Variants in DENND4C observed in about 807,000 individuals in gnomAD.
DENND4C encodes DENN domain-containing protein 4C.
DENND4C carries 108 observed loss-of-function variants against 203.0 expected under a neutral mutation model. That is an observed-to-expected ratio of 0.53 (90% confidence interval 0.46 to 0.62). The LOEUF is 0.62. Among genes scored for constraint, DENND4C ranks in the 20% least tolerant of loss-of-function variants. The pLI, the probability that DENND4C is intolerant of heterozygous loss-of-function variation, is 0.00. For synonymous variants in DENND4C, 871 were observed against 792.4 expected, an observed-to-expected ratio of 1.10 and a Z score of -1.67; for missense variants, 2,481 against 2,301.2, an observed-to-expected ratio of 1.08 and a Z score of -1.60.
intron 1 of DENND4C, among the ~76,000 whole-genome samples, chr9:19,258,675 A>G (rs80014564): frequency 1.4e-5 from 2 of 139,888 alleles, no homozygotes; most frequent in Non-Finnish European, 3.1e-5. Context: ...TTTTTTTTAA[A>G]GACAGATTCT....
chr9:19,340,018 T>C lies in DENND4C; in HGVS notation c.2882-974T>C, dbSNP rs373925384. Among the ~76,000 whole-genome samples, 18 of 152,286 alleles carry C rather than the reference T, an allele frequency of 1.2e-4. No individual in the cohort carries two copies. The South Asian group carries it at 3.1e-3, about 26-fold the overall frequency. On this transcript the variant is annotated intron_variant, in intron 20 of 32. Coordinates refer to ENST00000434457, the MANE Select transcript of DENND4C (RefSeq NM_001330640.2). ...ATGTCCTTTAGATATTCTCCTATTA[T>C]GTTTCTGAGCACTACCTTTTTGGCA... is the stretch of plus-strand genomic sequence containing the variant.
intron 2 of DENND4C, among the ~76,000 whole-genome samples, chr9:19,283,034 A>G (rs1162463904): frequency 6.6e-6 from 1 of 151,354 alleles, no homozygotes; most frequent in Non-Finnish European, 1.5e-5. Context: ...TTATTTTCTT[A>G]TTTTGAAATT....
In DENND4C at chr9:19,345,946, T is replaced by G. The variant is rs1461548641; in HGVS notation, c.3177T>G (p.Ser1059=). ...STGSISNVLF[S]TQDPVEDAVF... is the part of the protein sequence containing the mutation. Reference sequence around the variant, plus strand: ...GTAGTATATCAAATGTGCTGTTTTCTACTCAAGATCCAGTTGAAGATGCAG... The same window carrying G: ...GTAGTATATCAAATGTGCTGTTTTCGACTCAAGATCCAGTTGAAGATGCAG... The change falls in exon 23 of 33, where the codon TCT becomes TCG. Residue 1059 remains serine (S), a synonymous_variant. Coordinates refer to ENST00000434457, the MANE Select transcript of DENND4C (RefSeq NM_001330640.2). 1 of 1,613,028 alleles carries G rather than the reference T, an allele frequency of 6.2e-7. No homozygotes were observed. Among genetic ancestry groups the G allele is most frequent in the African/African-American group, 1.3e-5 (1 of 74,886 alleles).
intron 2 of DENND4C, among the ~76,000 whole-genome samples, chr9:19,280,405 A>G (rs1349054069): frequency 6.6e-6 from 1 of 152,148 alleles, no homozygotes; most frequent in African/African-American, 2.4e-5. Flanking sequence ...TCTGCCTCCC[A>G]AAGTGTTGAG....
intron 1 of DENND4C, among the ~76,000 whole-genome samples, chr9:19,265,920 G>A (rs969774914): frequency 6.6e-6 from 1 of 152,206 alleles, no homozygotes; most frequent in Non-Finnish European, 1.5e-5. Flanking sequence ...ACATATGTGT[G>A]CATGTGTGTC....
rs563164258 is a variant in DENND4C at position 19,325,691 on chromosome 9, A to G, written c.1954-248A>G. On this transcript the variant is annotated intron_variant, in intron 13 of 32. Coordinates refer to ENST00000434457, the MANE Select transcript of DENND4C (RefSeq NM_001330640.2). ...ATTTGAGAAGCCAGATAACCTTGTG[A>G]TTGGTCATCTTTTGTCTTAAGGTTT... Among the ~76,000 whole-genome samples, 4 of 152,298 alleles carry G rather than the reference A, an allele frequency of 2.6e-5. No individual in the cohort carries two copies. The East Asian group carries it at 7.7e-4, about 29-fold the overall frequency.
chr9:19,254,846 C>G (rs1258369024), intron 1 of DENND4C, among the ~76,000 whole-genome samples: 1 of 152,012 alleles, frequency 6.6e-6, no homozygotes, highest in Middle Eastern at 3.2e-3. Flanking sequence ...AAAAAGTTGG[C>G]CGGGACCGGG....
At chr9:19,311,745 G>GA (rs796798415) in intron 10 of DENND4C, among the ~76,000 whole-genome samples, 28 of 148,322 alleles carry the variant, frequency 1.9e-4, no homozygotes, top group Middle Eastern at 3.5e-3. Flanking sequence ...TGGCCAAAAA[G>GA]AAAAAAAAAA....
At chr9:19,354,549 CTTTT>C (rs66823332) in intron 26 of DENND4C, among the ~76,000 whole-genome samples, 1 of 87,290 alleles carries the variant, frequency 1.1e-5, no homozygotes, top group Non-Finnish European at 2.1e-5. Context: ...TTATTCTAGC[CTTTT>C]TTTTTTTTTT....
intron 10 of DENND4C, among the ~76,000 whole-genome samples, chr9:19,308,290 C>T (rs984718350): frequency 2.0e-5 from 3 of 152,224 alleles, no homozygotes; most frequent in Non-Finnish European, 4.4e-5. Context: ...AAGTTTACTC[C>T]GTCCTCAGCA....
chr9:19,280,206 G>C lies in DENND4C; in HGVS notation c.305+3727G>C, dbSNP rs138332113. 2.5e-3 allele frequency among the ~76,000 whole-genome samples: 383 copies of C among 152,004 alleles called. 1 individual carries two copies. Among genetic ancestry groups the C allele is most frequent in the African/African-American group, 9.1e-3 (376 of 41,420 alleles). Reference sequence around the variant, plus strand: ...CTCGCTCTGTCCAGGCTGGAGTGCAGTGGTGCGATCTCGGCTCACTGCAAC... The same window carrying C: ...CTCGCTCTGTCCAGGCTGGAGTGCACTGGTGCGATCTCGGCTCACTGCAAC... On this transcript the variant is annotated intron_variant, in intron 2 of 32. Coordinates refer to ENST00000434457, the MANE Select transcript of DENND4C (RefSeq NM_001330640.2).
Position 19,236,349 on chromosome 9 carries a change from T to C in DENND4C, c.-18+5516T>C, listed in dbSNP as rs114371415. 7.2e-3 allele frequency among the ~76,000 whole-genome samples: 1,099 copies of C among 152,288 alleles called. 17 individuals are homozygous for C. The highest frequency in any genetic ancestry group is 0.026 in the African/African-American group (1,062 of 41,540). On this transcript the variant is annotated intron_variant, in intron 1 of 32. Transcript: ENST00000434457. ...TAGTGTGGATTAGAGAAGGTTTACATAGAATAAGACATCTGATTAAAAACT... is the reference window on the plus strand; with the variant it reads ...TAGTGTGGATTAGAGAAGGTTTACACAGAATAAGACATCTGATTAAAAACT...
At chr9:19,355,810 ATAGAT>A in intron 26 of DENND4C, among the ~76,000 whole-genome samples, 1 of 152,238 alleles carries the variant, frequency 6.6e-6, no homozygotes, top group South Asian at 2.1e-4. Flanking sequence ...TTTGAGATTT[ATAGAT>A]TAATGTGAGG....
intron 1 of DENND4C, among the ~76,000 whole-genome samples, chr9:19,256,321 T>G (rs1409163325): frequency 1.6e-5 from 2 of 128,554 alleles, no homozygotes; most frequent in Non-Finnish European, 3.3e-5. Context: ...TTTTTTTTTT[T>G]TTTTTGAGAT....
intron 1 of DENND4C, among the ~76,000 whole-genome samples, chr9:19,235,426 C>G (rs1821688481): frequency 2.6e-5 from 4 of 152,152 alleles, no homozygotes. Flanking sequence ...ATTCATAATT[C>G]TGTTAATAAC....
chr9:19,287,077 T>G, intron 3 of DENND4C, 56 bp downstream of exon 3: 4 of 1,225,230 alleles, frequency 3.3e-6, no homozygotes, highest in Non-Finnish European at 4.1e-6. Context: ...AGGGATACGT[T>G]TTGGATTCCT....
At chr9:19,353,942 A>T (rs1349853972) in intron 26 of DENND4C, among the ~76,000 whole-genome samples, 2 of 152,156 alleles carry the variant, frequency 1.3e-5, no homozygotes, top group East Asian at 3.9e-4. Flanking sequence ...TTTAGCTTCA[A>T]GGGTGGAGCT....
chr9:19,363,616 CAT>C (rs1227617287), intron 30 of DENND4C, among the ~76,000 whole-genome samples: 17 of 152,270 alleles, frequency 1.1e-4, no homozygotes, highest in Admixed American at 1.0e-3. Context: ...AGGGCCTCAA[CAT>C]ATGAATTTGG....
intron 10 of DENND4C, among the ~76,000 whole-genome samples, chr9:19,313,891 A>G (rs1292089180): frequency 6.6e-6 from 1 of 152,136 alleles, no homozygotes; most frequent in African/African-American, 2.4e-5. Flanking sequence ...AAGCTGAGGG[A>G]GCTAAGCTAT....
Sources: allele counts gnomAD v4.1 joint callset (sites outside exome capture counted in the v4.1 genomes callset), GRCh38; gene constraint gnomAD v4.1.1; transcripts MANE v1.5; gene names NCBI Gene and HGNC (gene_info 2026-07-23, HGNC 2026-07-21).